The following B3GAT2 variants were observed in gnomAD, a reference collection of about 807,000 sequenced individuals.
B3GAT2 encodes the protein galactosylgalactosylxylosylprotein 3-beta-glucuronosyltransferase 2.
B3GAT2 carries 26 observed loss-of-function variants against 27.8 expected under a neutral mutation model. The ratio of observed to expected loss-of-function variants is 0.93; its 90% CI spans 0.68 to 1.30. The LOEUF (loss-of-function observed/expected upper bound fraction) is 1.30, where lower values mean the gene tolerates loss of function less well. Among genes scored for constraint, B3GAT2 ranks in the 50% most tolerant of loss-of-function variants. The probability of loss-of-function intolerance (pLI) is 0.00; values close to 1 mark genes in which losing one functional copy is unlikely to be tolerated. For synonymous variants in B3GAT2, 218 were observed against 195.1 expected, an observed-to-expected ratio of 1.12 and a Z score of -0.98; for missense variants, 458 against 459.0, an observed-to-expected ratio of 1.00 and a Z score of 0.02.
At chr6:70,936,265 G>C (rs1302215575) in intron 1 of B3GAT2, among the ~76,000 whole-genome samples, 1 of 151,900 alleles carries the variant, frequency 6.6e-6, no homozygotes, top group Admixed American at 6.6e-5. Flanking sequence ...AGTCCTGAGT[G>C]ACCTACAAAG....
intron 1 of B3GAT2, among the ~76,000 whole-genome samples, chr6:70,896,024 A>G (rs1257358268): frequency 6.6e-6 from 1 of 152,182 alleles, no homozygotes. Flanking sequence ...GGCACTGAAC[A>G]ACTGCTTTCC....
intron 1 of B3GAT2, among the ~76,000 whole-genome samples, chr6:70,927,378 T>A (rs904001083): frequency 1.3e-5 from 2 of 152,128 alleles, no homozygotes; most frequent in African/African-American, 2.4e-5. Flanking sequence ...AGACACAGAC[T>A]GGCAAATTGG....
chr6:70,878,969 C>T lies in B3GAT2; in HGVS notation c.736+15159G>A, dbSNP rs147021027. 5.9e-5 allele frequency among the ~76,000 whole-genome samples: 9 copies of T among 152,084 alleles called. No homozygotes were observed. In the East Asian group the frequency reaches 1.4e-3, roughly 23 times the overall value. ...ACCAGCAGGCATTGAAATATACCAA[C>T]GTTTTTATTTGAAAACTTCATTTTC... is the stretch of plus-strand genomic sequence containing the variant. On this transcript the variant is annotated intron_variant, in intron 2 of 3. Transcript: ENST00000230053.
intron 2 of B3GAT2, among the ~76,000 whole-genome samples, chr6:70,866,002 C>T (rs1259301292): frequency 6.6e-6 from 1 of 152,210 alleles, no homozygotes; most frequent in Non-Finnish European, 1.5e-5. Flanking sequence ...GCCAAGACAA[C>T]TAGGATATGC....
intron 2 of B3GAT2, among the ~76,000 whole-genome samples, chr6:70,862,541 T>C (rs1012172367): frequency 6.6e-6 from 1 of 152,184 alleles, no homozygotes. Flanking sequence ...ATTTCTAATT[T>C]GGTTCAATCT....
chr6:70,910,086 G>A (rs557764510), intron 1 of B3GAT2, among the ~76,000 whole-genome samples: 2 of 152,106 alleles, frequency 1.3e-5, no homozygotes, highest in Non-Finnish European at 2.9e-5. Flanking sequence ...TGTTGGCCAG[G>A]ATGGTCTCAA....
At chr6:70,912,914 C>G (rs1468158183) in intron 1 of B3GAT2, among the ~76,000 whole-genome samples, 3 of 152,048 alleles carry the variant, frequency 2.0e-5, no homozygotes, top group African/African-American at 4.8e-5. Flanking sequence ...TGTATGTTTC[C>G]AAGAATTTAT....
At chr6:70,885,544 G>A (rs1300602239) in intron 2 of B3GAT2, among the ~76,000 whole-genome samples, 2 of 152,056 alleles carry the variant, frequency 1.3e-5, no homozygotes, top group African/African-American at 4.8e-5. Flanking sequence ...TGCATGCTGA[G>A]CCAATTCATT....
At chr6:70,933,150 T>C (rs1773087225) in intron 1 of B3GAT2, among the ~76,000 whole-genome samples, 1 of 152,180 alleles carries the variant, frequency 6.6e-6, no homozygotes, top group African/African-American at 2.4e-5. Context: ...CAAATGAACA[T>C]CTATATATTT....
At chr6:70,883,460 C>CAA (rs79996173) in intron 2 of B3GAT2, among the ~76,000 whole-genome samples, 1,374 of 100,262 alleles carry the variant, frequency 0.014, 24 homozygotes, top group African/African-American at 0.039. Flanking sequence ...GCTCAATAAG[C>CAA]AAAAAAAAAA....
chr6:70,894,191 C>T lies in B3GAT2; in HGVS notation c.673G>A (p.Gly225Ser), dbSNP rs773823914. The T allele has an allele frequency of 6.8e-6, 11 of 1,613,594 alleles. No individual in the cohort carries two copies. Among genetic ancestry groups the T allele is most frequent in the Non-Finnish European group, 9.3e-6 (11 of 1,179,732 alleles). Residue 225 changes from glycine (G) to serine (S), a missense_variant, in exon 2 of 4, where the codon GGC becomes AGC. Coordinates refer to ENST00000230053, the MANE Select transcript of B3GAT2 (RefSeq NM_080742.3). The part of the protein sequence containing the change: ...RRYERPLVEN[G>S]KVVGWYTGWR... ...CCGGTGTACCAGCCAACAACTTTGCCGTTTTCCACCAGCGGACGTTCGTAG... is the reference window on the plus strand; with the variant it reads ...CCGGTGTACCAGCCAACAACTTTGCTGTTTTCCACCAGCGGACGTTCGTAG...
At chr6:70,951,333 C>T (rs1449160487) in intron 1 of B3GAT2, among the ~76,000 whole-genome samples, 1 of 152,042 alleles carries the variant, frequency 6.6e-6, no homozygotes, top group Non-Finnish European at 1.5e-5. Context: ...TTACTGTTCA[C>T]ACAAGAGAAA....
rs1771451840 is a variant in B3GAT2, at chr6:70,856,973, A to G, written c.*4690T>C. On this transcript the variant is annotated 3_prime_UTR_variant, in exon 4 of 4. Transcript: ENST00000230053. ...AGAAGTGGCAAAGAAACAACTTTCC[A>G]AAGACTCCATCTTATCTCTGTATGG... The G allele has an allele frequency of 6.2e-7, 1 of 1,613,934 alleles. No homozygotes were observed. Among genetic ancestry groups the G allele is most frequent in the Non-Finnish European group, 8.5e-7 (1 of 1,179,920 alleles).
At chr6:70,899,640 A>G (rs1035751034) in intron 1 of B3GAT2, among the ~76,000 whole-genome samples, 34 of 152,212 alleles carry the variant, frequency 2.2e-4, no homozygotes, top group African/African-American at 8.0e-4. Context: ...TTCCATGCAG[A>G]ATGCTTCATC....
Position 70,861,721 on chromosome 6 carries a change from T to TTCTC in B3GAT2, c.910_913dup (p.Lys305ArgfsTer4), listed in dbSNP as rs780202694. 9.9e-6 allele frequency: 16 copies of TTCTC among 1,614,024 alleles called. No individual in the cohort carries two copies. The highest frequency in any genetic ancestry group is 1.3e-5 in the Non-Finnish European group (15 of 1,180,000). ...CTTTGGCTCGTTGGCTAGATTAACC[T>TTCTC]TCTCTGTCCGAGTGTGCCACACGAG... is the stretch of plus-strand genomic sequence containing the variant. On this transcript the variant is annotated frameshift_variant, in exon 4 of 4. Coordinates refer to ENST00000230053, the MANE Select transcript of B3GAT2 (RefSeq NM_080742.3). LOFTEE classifies it high-confidence loss of function.
intron 1 of B3GAT2, among the ~76,000 whole-genome samples, chr6:70,914,627 C>CA (rs1310457378): frequency 2.0e-5 from 3 of 151,910 alleles, no homozygotes; most frequent in Non-Finnish European, 4.4e-5. Flanking sequence ...TTGGTGCCAG[C>CA]AAAAAATGCA....
chr6:70,890,268 C>T (rs369437781), intron 2 of B3GAT2, among the ~76,000 whole-genome samples: 1 of 152,130 alleles, frequency 6.6e-6, no homozygotes. Flanking sequence ...GGCTCCCCCC[C>T]TGCAGTCACT....
At chr6:70,914,557 T>C (rs1772738020) in intron 1 of B3GAT2, among the ~76,000 whole-genome samples, 1 of 152,316 alleles carries the variant, frequency 6.6e-6, no homozygotes, top group East Asian at 1.9e-4. Flanking sequence ...ACAAAGACAT[T>C]TATTTTGGAG....
intron 1 of B3GAT2, among the ~76,000 whole-genome samples, chr6:70,911,943 A>G (rs1772694797): frequency 6.6e-6 from 1 of 152,116 alleles, no homozygotes; most frequent in South Asian, 2.1e-4. Flanking sequence ...ATTGGCTCTC[A>G]GCTTGGATGT....
Sources: gnomAD v4.1 joint callset for allele counts (sites outside exome capture counted in the v4.1 genomes callset) on GRCh38, gnomAD v4.1.1 for gene constraint, MANE v1.5 for transcripts, NCBI Gene and HGNC (gene_info 2026-07-23, HGNC 2026-07-21) for gene names.